Variants in MTPN observed in about 807,000 individuals in gnomAD.
MTPN encodes the protein myotrophin.
Under a neutral mutation model 13.5 loss-of-function variants are expected in MTPN, and 2 were observed. The observed-to-expected ratio is 0.15, with a 90% confidence interval of 0.06 to 0.47. MTPN has a LOEUF of 0.47. Ranked by LOEUF, MTPN falls within the 20% of genes least tolerant of loss-of-function variation. The pLI is 0.97. For missense variants in MTPN, 79 were observed against 137.9 expected, an observed-to-expected ratio of 0.57 and a Z score of 2.14; for synonymous variants, 46 against 51.7, an observed-to-expected ratio of 0.89 and a Z score of 0.48.
chr7:135,974,889 A>G (rs533704699), intron 1 of MTPN, among the ~76,000 whole-genome samples: 4 of 152,364 alleles, frequency 2.6e-5, no homozygotes, highest in Admixed American at 1.3e-4. Flanking sequence ...GAGCTGAGTC[A>G]GTATAAACTT....
chr7:135,974,826 G>A (rs1799748366), intron 1 of MTPN, among the ~76,000 whole-genome samples: 1 of 152,172 alleles, frequency 6.6e-6, no homozygotes, highest in South Asian at 2.1e-4. Context: ...AGACAGCTGT[G>A]GGGCAGAAGA....
chr7:135,938,796 C>A (rs1317219513), intron 3 of MTPN, among the ~76,000 whole-genome samples: 2 of 152,128 alleles, frequency 1.3e-5, no homozygotes, highest in Admixed American at 1.3e-4. Flanking sequence ...AAGACTGAGC[C>A]CGGCTAAAGC....
intron 1 of MTPN, among the ~76,000 whole-genome samples, chr7:135,970,680 C>T (rs1799680010): frequency 6.6e-6 from 1 of 151,994 alleles, no homozygotes; most frequent in African/African-American, 2.4e-5. Flanking sequence ...GAATCTCAAA[C>T]CAAAACACTT....
intron 1 of MTPN, among the ~76,000 whole-genome samples, chr7:135,976,384 C>T (rs1169772012): frequency 6.6e-6 from 1 of 152,160 alleles, no homozygotes; most frequent in Non-Finnish European, 1.5e-5. Context: ...ATTCAGATAC[C>T]TTAAACATTC....
At chr7:135,944,835 A>G (rs1286858061) in intron 3 of MTPN, among the ~76,000 whole-genome samples, 1 of 152,150 alleles carries the variant, frequency 6.6e-6, no homozygotes, top group African/African-American at 2.4e-5. Flanking sequence ...AAGACCTCCA[A>G]TGGATGCCTT....
At position 135,929,792 on chromosome 7, in the gene MTPN, G is replaced by C; in HGVS notation, c.*134C>G. The C allele has an allele frequency of 1.2e-6, 1 of 852,048 alleles. No homozygotes were observed. The highest frequency in any genetic ancestry group is 1.9e-6 in the Non-Finnish European group (1 of 529,440). 52.8% of individuals were successfully genotyped at this position (852,048 alleles called of 1,614,324 possible). A position where few individuals can be genotyped will look rare whatever the true frequency, so the allele number is the denominator to read the frequency against. ...TTTTTCTGGTAGTCGGATTTGTTAT[G>C]AATTTCTCTCTCCCCTCACCCCTCT... On this transcript the variant is annotated 3_prime_UTR_variant, in exon 4 of 4. Coordinates refer to ENST00000393085, the MANE Select transcript of MTPN (RefSeq NM_145808.4).
At chr7:135,955,191 T>C (rs894351601) in intron 1 of MTPN, among the ~76,000 whole-genome samples, 3 of 152,074 alleles carry the variant, frequency 2.0e-5, no homozygotes, top group Non-Finnish European at 4.4e-5. Context: ...ATGCCTGTAC[T>C]GGAAAAATAG....
chr7:135,970,033 C>CA (rs1799669203), intron 1 of MTPN, among the ~76,000 whole-genome samples: 1 of 152,030 alleles, frequency 6.6e-6, no homozygotes, highest in African/African-American at 2.4e-5. Context: ...GATATAGTCT[C>CA]AAAAGTTGTC....
At chr7:135,936,470 G>C (rs138936948) in intron 3 of MTPN, among the ~76,000 whole-genome samples, 1,775 of 152,358 alleles carry the variant, frequency 0.012, 16 homozygotes, top group African/African-American at 0.021. Context: ...GGGTGACAGA[G>C]TGAGACTCCG....
At chr7:135,969,955 G>A (rs1799667154) in intron 1 of MTPN, among the ~76,000 whole-genome samples, 1 of 152,154 alleles carries the variant, frequency 6.6e-6, no homozygotes, top group African/African-American at 2.4e-5. Context: ...GATGGTGTGA[G>A]GGAACCATCG....
chr7:135,935,406 A>AT lies in MTPN; in HGVS notation c.271-5395dup, dbSNP rs373563395. ...GGTGCATACCACCATGCCTGACTAA[A>AT]TTTTTTTGTATTTTTAGTAGAGATA... On this transcript the variant is annotated intron_variant, in intron 3 of 3. Coordinates refer to ENST00000393085, the MANE Select transcript of MTPN (RefSeq NM_145808.4). Among the ~76,000 whole-genome samples, 938 of 151,864 alleles carry AT rather than the reference A, an allele frequency of 6.2e-3. 14 individuals carry two copies. The highest frequency in any genetic ancestry group is 0.022 in the African/African-American group (894 of 41,410).
chr7:135,976,958 C>A (rs1214007466), intron 1 of MTPN, 71 bp downstream of exon 1: 2 of 927,322 alleles, frequency 2.2e-6, no homozygotes, highest in South Asian at 1.3e-5. Context: ...CAGTCCAGCT[C>A]CCATCAGCTT....
intron 3 of MTPN, among the ~76,000 whole-genome samples, chr7:135,934,645 T>G (rs1799085339): frequency 6.6e-6 from 1 of 152,236 alleles, no homozygotes; most frequent in African/African-American, 2.4e-5. Flanking sequence ...TGACCTATAC[T>G]GTTCTGAAAA....
intron 1 of MTPN, among the ~76,000 whole-genome samples, chr7:135,965,965 A>G (rs1213825131): frequency 6.6e-6 from 1 of 152,160 alleles, no homozygotes; most frequent in Non-Finnish European, 1.5e-5. Context: ...ACTGTTGAGG[A>G]TACAAAGATA....
chr7:135,937,350 A>G (rs1261787522), intron 3 of MTPN, among the ~76,000 whole-genome samples: 2 of 151,082 alleles, frequency 1.3e-5, no homozygotes, highest in African/African-American at 4.9e-5. Context: ...ATATATATAG[A>G]TCTCCAAGTG....
At chr7:135,938,797 C>T (rs146081139) in intron 3 of MTPN, among the ~76,000 whole-genome samples, 2 of 152,246 alleles carry the variant, frequency 1.3e-5, no homozygotes, top group East Asian at 1.9e-4. Context: ...AGACTGAGCC[C>T]GGCTAAAGCT....
At chr7:135,941,741 CA>C (rs1359356781) in intron 3 of MTPN, among the ~76,000 whole-genome samples, 1 of 152,016 alleles carries the variant, frequency 6.6e-6, no homozygotes, top group Non-Finnish European at 1.5e-5. Flanking sequence ...ATCACTATAG[CA>C]ATCATATTTA....
rs550146588 is a variant in MTPN, at chr7:135,958,101, A to G, written c.73-6471T>C. Among the ~76,000 whole-genome samples, 22 of 152,190 alleles carry G rather than the reference A, an allele frequency of 1.4e-4. No individual in the cohort carries two copies. In the South Asian group the frequency reaches 3.1e-3, roughly 22 times the overall value. On this transcript the variant is annotated intron_variant, in intron 1 of 3. Coordinates refer to ENST00000393085, the MANE Select transcript of MTPN (RefSeq NM_145808.4). Reference sequence around the variant, plus strand: ...TTTCAACCTAAAAAAATTAAATACTATTGGTATTTTCCTGATATTCTTGAT... The same window carrying G: ...TTTCAACCTAAAAAAATTAAATACTGTTGGTATTTTCCTGATATTCTTGAT...
At position 135,977,287 on chromosome 7, in the gene MTPN, A is replaced by C; in HGVS notation, c.-187T>G. The C allele has an allele frequency of 1.6e-6, 1 of 629,058 alleles. No homozygotes were observed. Among genetic ancestry groups the C allele is most frequent in the Non-Finnish European group, 2.8e-6 (1 of 355,766 alleles). The allele number at this position is 629,058 out of a possible 1,614,324, so 39.0% of individuals were successfully genotyped here. ...GGCGACCGTTCGGGCGGGAGAAAGA[A>C]AGTTCTTTTGCGGCCACCGGGCCCA... On this transcript the variant is annotated 5_prime_UTR_variant, in exon 1 of 4. Coordinates refer to ENST00000393085, the MANE Select transcript of MTPN (RefSeq NM_145808.4).
Sources: allele counts gnomAD v4.1 joint callset (sites outside exome capture counted in the v4.1 genomes callset), GRCh38; gene constraint gnomAD v4.1.1; transcripts MANE v1.5; gene names NCBI Gene and HGNC (gene_info 2026-07-23, HGNC 2026-07-21).